Variants in SAMD5 observed in about 807,000 individuals in gnomAD.
SAMD5 encodes the protein sterile alpha motif domain-containing protein 5.
Under a neutral mutation model 11.3 loss-of-function variants are expected in SAMD5, and 13 were observed. The observed-to-expected ratio is 1.15, with a 90% CI of 0.75 to 1.83. The LOEUF (loss-of-function observed/expected upper bound fraction) is 1.83. SAMD5 is among the 40% of genes most tolerant of loss of function. The probability of loss-of-function intolerance (pLI) is 0.00; values close to 1 mark genes in which losing one functional copy is unlikely to be tolerated. For synonymous variants in SAMD5, 129 were observed against 111.3 expected (o/e 1.16, Z -1.00); for missense variants, 255 against 239.1 (o/e 1.07, Z -0.44).
chr6:147,886,533 C>A, the SAMD5 span, among the ~76,000 whole-genome samples: 2 of 151,960 alleles, frequency 1.3e-5, no homozygotes, highest in African/African-American at 2.4e-5. Context: ...TGGGTGGGAC[C>A]TGTGACTTGC....
intron 1 of SAMD5, among the ~76,000 whole-genome samples, chr6:147,563,616 C>G (rs1788989868): frequency 6.6e-6 from 1 of 152,172 alleles, no homozygotes. Flanking sequence ...GGGCAGTGCA[C>G]TGTAATCTAC....
the SAMD5 span, among the ~76,000 whole-genome samples, chr6:147,954,088 G>A: frequency 6.6e-6 from 1 of 152,138 alleles, no homozygotes. Context: ...CTTTTTACCA[G>A]TGTAACTTAC....
intron 1 of SAMD5, among the ~76,000 whole-genome samples, chr6:147,650,372 A>G (rs1303896895): frequency 6.6e-6 from 1 of 152,186 alleles, no homozygotes; most frequent in Non-Finnish European, 1.5e-5. Context: ...TTCTCCCTAC[A>G]GTAAGTGATT....
chr6:147,839,509 G>T, the SAMD5 span, among the ~76,000 whole-genome samples: 7 of 152,212 alleles, frequency 4.6e-5, no homozygotes, highest in Non-Finnish European at 1.0e-4. Context: ...AGCATTTTGG[G>T]GGGGCTGAGG....
At chr6:147,555,940 A>G (rs1788848081) in intron 1 of SAMD5, among the ~76,000 whole-genome samples, 1 of 152,204 alleles carries the variant, frequency 6.6e-6, no homozygotes, top group Non-Finnish European at 1.5e-5. Context: ...TTAAAAACAT[A>G]TTGCCACAGA....
chr6:147,914,732 T>A, the SAMD5 span, among the ~76,000 whole-genome samples: 1 of 152,162 alleles, frequency 6.6e-6, no homozygotes, highest in Admixed American at 6.5e-5. Flanking sequence ...AGTAATTATA[T>A]AGTGGAGTAA....
intron 1 of SAMD5, among the ~76,000 whole-genome samples, chr6:147,699,380 TC>T (rs141917652): frequency 0.044 from 6,627 of 152,298 alleles, 211 homozygotes; most frequent in Non-Finnish European, 0.069. Context: ...CCCTGAGGTT[TC>T]CCTTGCCCCA....
chr6:147,664,879 T>C (rs911732951), intron 1 of SAMD5, among the ~76,000 whole-genome samples: 7 of 152,226 alleles, frequency 4.6e-5, no homozygotes, highest in Non-Finnish European at 8.8e-5. Context: ...GTGTTGCTTT[T>C]TGCTGCTGCT....
intron 1 of SAMD5, among the ~76,000 whole-genome samples, chr6:147,641,485 G>T (rs929872736): frequency 1.3e-5 from 2 of 152,010 alleles, no homozygotes. Context: ...GGGGCACGTC[G>T]CAGACATTTT....
chr6:147,539,960 C>T (rs1363415235), intron 1 of SAMD5, among the ~76,000 whole-genome samples: 2 of 152,310 alleles, frequency 1.3e-5, no homozygotes, highest in East Asian at 3.9e-4. Context: ...TAACGTCCCA[C>T]ATGAAATTAA....
the SAMD5 span, among the ~76,000 whole-genome samples, chr6:147,920,906 T>C: frequency 2.0e-5 from 3 of 152,192 alleles, no homozygotes; most frequent in African/African-American, 7.2e-5. Context: ...GCTTCTTTGA[T>C]TACCCATAGC....
chr6:147,600,268 G>A (rs538555594), intron 1 of SAMD5, among the ~76,000 whole-genome samples: 7 of 152,214 alleles, frequency 4.6e-5, no homozygotes, highest in East Asian at 1.9e-4. Context: ...CTGACCCCTC[G>A]TCTCCCAGGT....
intron 1 of SAMD5, among the ~76,000 whole-genome samples, chr6:147,582,084 C>T (rs1014461441): frequency 6.6e-6 from 1 of 151,650 alleles, no homozygotes; most frequent in African/African-American, 2.4e-5. Context: ...ATGGGCTGGA[C>T]ACGGTGGCTT....
At chr6:147,856,463 A>G in the SAMD5 span, among the ~76,000 whole-genome samples, 1 of 152,240 alleles carries the variant, frequency 6.6e-6, no homozygotes, top group Non-Finnish European at 1.5e-5. Context: ...TAAAAAGTCA[A>G]GAAGTTACAA....
intron 1 of SAMD5, among the ~76,000 whole-genome samples, chr6:147,684,297 A>G (rs6901600): frequency 0.012 from 1,887 of 152,250 alleles, 49 homozygotes; most frequent in African/African-American, 0.043. Flanking sequence ...TTACTTCTCT[A>G]TATAAATAAT....
chr6:147,617,012 T>C (rs1789882931), intron 1 of SAMD5, among the ~76,000 whole-genome samples: 1 of 152,160 alleles, frequency 6.6e-6, no homozygotes, highest in Non-Finnish European at 1.5e-5. Flanking sequence ...CCTAGTTGGA[T>C]AGAGCAAGTT....
the SAMD5 span, among the ~76,000 whole-genome samples, chr6:147,764,556 T>A: frequency 1.3e-5 from 2 of 152,174 alleles, no homozygotes; most frequent in Non-Finnish European, 2.9e-5. Flanking sequence ...TTGGACTTAT[T>A]ACCAAATCAT....
At chr6:147,765,872 C>T in the SAMD5 span, among the ~76,000 whole-genome samples, 3 of 151,958 alleles carry the variant, frequency 2.0e-5, no homozygotes, top group Non-Finnish European at 4.4e-5. Flanking sequence ...AGTGAAAAAC[C>T]TCAGTTGTAA....
chr6:147,509,022 G>C lies in SAMD5; in HGVS notation c.94G>C (p.Val32Leu). 2 of 1,607,598 alleles carry C rather than the reference G, an allele frequency of 1.2e-6. No individual in the cohort carries two copies. The highest frequency in any genetic ancestry group is 2.7e-5 in the African/African-American group (2 of 74,842). The change falls in exon 1 of 2, where the codon GTG becomes CTG. Residue 32 changes from valine (V) to leucine (L), a missense_variant. Val to Leu is a conservative substitution (Grantham distance 32). Transcript: ENST00000367474. ...FVDNGYDDLE[V>L]CKQIGDPDLD... Reference sequence around the variant, plus strand: ...GGATAACGGCTACGATGACCTGGAGGTGTGCAAGCAGATCGGGGACCCGGA... The same window carrying C: ...GGATAACGGCTACGATGACCTGGAGCTGTGCAAGCAGATCGGGGACCCGGA...
Sources: allele counts gnomAD v4.1 joint callset (sites outside exome capture counted in the v4.1 genomes callset), GRCh38; gene constraint gnomAD v4.1.1; transcripts MANE v1.5; gene names NCBI Gene and HGNC (gene_info 2026-07-23, HGNC 2026-07-21).